Variants in ITGB3BP observed in about 807,000 individuals in gnomAD.
ITGB3BP encodes the protein integrin subunit beta 3 binding protein, also known as centromere protein R.
In ITGB3BP, 27 loss-of-function variants were observed where a neutral mutation model predicts 29.1. That is an observed-to-expected ratio of 0.93 (90% confidence interval 0.68 to 1.28). The LOEUF is 1.28. Among genes scored for constraint, ITGB3BP ranks in the 50% most tolerant of loss-of-function variants. The probability of loss-of-function intolerance (pLI) is 0.00; values close to 1 mark genes in which losing one functional copy is unlikely to be tolerated. For synonymous variants in ITGB3BP, 61 were observed against 61.4 expected (o/e 0.99, Z 0.03); for missense variants, 192 against 200.2 (o/e 0.96, Z 0.25).
chr1:63,443,641 A>C (rs184693617), intron 8 of ITGB3BP, among the ~76,000 whole-genome samples: 247 of 152,262 alleles, frequency 1.6e-3, no homozygotes, highest in Non-Finnish European at 2.6e-3. Flanking sequence ...GGGGAAAGGG[A>C]CCAAAGTGCA....
At chr1:63,475,070 G>A (rs1023737985) in intron 4 of ITGB3BP, among the ~76,000 whole-genome samples, 3 of 151,994 alleles carry the variant, frequency 2.0e-5, no homozygotes, top group Admixed American at 2.0e-4. Context: ...AACCTCCTAG[G>A]CTCAAGTGAT....
rs761455160 is a variant in ITGB3BP at position 63,453,909 on chromosome 1, A to G, written c.484+9T>C. 1.3e-6 allele frequency: 2 copies of G among 1,542,234 alleles called. No homozygotes were observed. Among genetic ancestry groups the G allele is most frequent in the Admixed American group, 1.8e-5 (1 of 57,118 alleles). On this transcript the variant is annotated intron_variant, in intron 7 of 8. Coordinates refer to ENST00000271002, the MANE Select transcript of ITGB3BP (RefSeq NM_014288.5). ...TCTTTATGTAATAAACTAAAACACA[A>G]CTACTTACCTTTGTGAGGAAGTCCT...
chr1:63,473,517 G>A (rs1229035152), intron 4 of ITGB3BP, among the ~76,000 whole-genome samples: 5 of 143,812 alleles, frequency 3.5e-5, no homozygotes, highest in Non-Finnish European at 6.2e-5. Flanking sequence ...GTCCGGGAGG[G>A]AGGTGGGGGG....
chr1:63,523,235 G>A, upstream of ITGB3BP: 2 of 1,507,580 alleles, frequency 1.3e-6, no homozygotes, highest in South Asian at 2.3e-5. Flanking sequence ...TGAAAAGCGC[G>A]CGCTGGACGT....
chr1:63,509,798 AAACT>A (rs1291071505), intron 1 of ITGB3BP, among the ~76,000 whole-genome samples: 3 of 152,236 alleles, frequency 2.0e-5, no homozygotes, highest in African/African-American at 7.2e-5. Flanking sequence ...AGGTACAAAC[AAACT>A]AAAATGCAGA....
chr1:63,512,087 G>A (rs533000998), intron 1 of ITGB3BP, among the ~76,000 whole-genome samples: 10 of 151,854 alleles, frequency 6.6e-5, no homozygotes, highest in South Asian at 2.1e-4. Flanking sequence ...ACCTATGCCC[G>A]TAATTTACAA....
chr1:63,468,800 G>C (rs1441841360), intron 4 of ITGB3BP, among the ~76,000 whole-genome samples: 1 of 152,030 alleles, frequency 6.6e-6, no homozygotes, highest in African/African-American at 2.4e-5. Flanking sequence ...GGTGGTGGTT[G>C]CAGTGAGCAG....
intron 4 of ITGB3BP, among the ~76,000 whole-genome samples, chr1:63,474,921 C>T (rs199833404): frequency 3.2e-3 from 11 of 3,436 alleles, no homozygotes; most frequent in African/African-American, 3.6e-3. Flanking sequence ...AAAATAAAAA[C>T]AAAACAAAAC....
intron 2 of ITGB3BP, among the ~76,000 whole-genome samples, chr1:63,491,124 A>T (rs192303740): frequency 3.1e-4 from 47 of 152,202 alleles, no homozygotes; most frequent in Non-Finnish European, 1.5e-5. Flanking sequence ...CAAGACCTAG[A>T]CTTTCCTTAG....
intron 1 of ITGB3BP, among the ~76,000 whole-genome samples, chr1:63,518,849 T>C (rs1213856921): frequency 6.6e-6 from 1 of 152,184 alleles, no homozygotes; most frequent in Admixed American, 6.5e-5. Context: ...TCAATTCCTC[T>C]ATTTGTTTTT....
intron 2 of ITGB3BP, among the ~76,000 whole-genome samples, chr1:63,528,343 C>T (rs1431923006): frequency 6.6e-6 from 1 of 152,046 alleles, no homozygotes. Context: ...GAAAGGCAAA[C>T]ATCACACATT....
intron 8 of ITGB3BP, 104 bp downstream of exon 8, chr1:63,446,702 G>T: frequency 1.2e-6 from 1 of 825,686 alleles, no homozygotes; most frequent in East Asian, 2.5e-5. Flanking sequence ...TTTTCTTACA[G>T]GAAGACAATA....
upstream of ITGB3BP, among the ~76,000 whole-genome samples, chr1:63,527,378 G>A (rs1468914968): frequency 6.6e-6 from 1 of 152,098 alleles, no homozygotes; most frequent in Non-Finnish European, 1.5e-5. Flanking sequence ...TTTTAAAAAG[G>A]AGTAACATGA....
intron 4 of ITGB3BP, among the ~76,000 whole-genome samples, chr1:63,467,685 A>G (rs1225529860): frequency 6.6e-6 from 1 of 152,176 alleles, no homozygotes; most frequent in Non-Finnish European, 1.5e-5. Context: ...TATAGACTCT[A>G]TTAGACATAT....
At position 63,454,448 on chromosome 1, in the gene ITGB3BP, T is replaced by G. The variant is rs374446652; in HGVS notation, c.359A>C (p.Glu120Ala). Residue 120 changes from glutamate to alanine, a missense_variant, in exon 6 of 9, where the codon GAA becomes GCA. Glu to Ala is a moderately radical substitution (Grantham distance 107, BLOSUM62 -1). Transcript: ENST00000271002. This position sits in a 1 kb window ranked among gnomAD's most constrained non-coding sequence, Gnocchi z 4.1. ...TGCACAGGAGATTCCAATGAGATTT[T>G]CAAGCTCTCTACTGCCCTCCAAAGC... ...IQALEGSREL[E>A]NLIGISCASH... 5.6e-6 allele frequency: 9 copies of G among 1,599,908 alleles called. No homozygotes were observed. The highest frequency in any genetic ancestry group is 7.7e-6 in the Non-Finnish European group (9 of 1,170,276).
chr1:63,465,399 T>C (rs1645081945), intron 4 of ITGB3BP, among the ~76,000 whole-genome samples: 3 of 152,126 alleles, frequency 2.0e-5, no homozygotes, highest in South Asian at 4.1e-4. Context: ...AAAAGGTATT[T>C]ATAGATATTT....
intron 4 of ITGB3BP, among the ~76,000 whole-genome samples, chr1:63,472,729 G>A (rs894574196): frequency 1.3e-5 from 2 of 150,934 alleles, no homozygotes; most frequent in African/African-American, 2.4e-5. Context: ...CGCCAGCCTC[G>A]GCCTCCCGAG....
chr1:63,461,732 T>A (rs1275378946), intron 4 of ITGB3BP, among the ~76,000 whole-genome samples: 2 of 152,252 alleles, frequency 1.3e-5, no homozygotes, highest in East Asian at 3.8e-4. Flanking sequence ...CTATTCTTTC[T>A]CCATTAAATA....
At chr1:63,493,422 A>G (rs1455055356) in intron 2 of ITGB3BP, among the ~76,000 whole-genome samples, 2 of 97,692 alleles carry the variant, frequency 2.0e-5, no homozygotes, top group African/African-American at 1.1e-4. Context: ...CTCAAAAAAC[A>G]AACAAACAAA....
Sources: gnomAD v4.1 joint callset for allele counts (sites outside exome capture counted in the v4.1 genomes callset) on GRCh38, gnomAD v4.1.1 for gene constraint, Gnocchi (gnomAD v3.1) non-coding constraint, MANE v1.5 for transcripts, NCBI Gene and HGNC (gene_info 2026-07-23, HGNC 2026-07-21) for gene names.